KCNIP4: variants seen among roughly 807,000 people sequenced by gnomAD.
KCNIP4 encodes Kv channel-interacting protein 4.
KCNIP4 carries 12 observed loss-of-function variants against 34.0 expected under a neutral mutation model. The observed-to-expected ratio is 0.35, with a 90% CI of 0.23 to 0.57. The LOEUF (loss-of-function observed/expected upper bound fraction) is 0.57, where lower values mean the gene tolerates loss of function less well. KCNIP4 is among the 20% of genes least tolerant of loss of function. The pLI, the probability that KCNIP4 is intolerant of heterozygous loss-of-function variation, is 0.83. For missense variants in KCNIP4, 238 were observed against 311.7 expected, an observed-to-expected ratio of 0.76 and a Z score of 1.78; for synonymous variants, 124 against 102.2, an observed-to-expected ratio of 1.21 and a Z score of -1.29.
At chr4:21,006,725 G>C (rs973938679) in intron 1 of KCNIP4, among the ~76,000 whole-genome samples, 2 of 152,192 alleles carry the variant, frequency 1.3e-5, no homozygotes, top group African/African-American at 4.8e-5. Context: ...AGGACATGGG[G>C]CAGGGAATGG....
intron 1 of KCNIP4, among the ~76,000 whole-genome samples, chr4:21,930,504 T>C (rs1216736313): frequency 1.3e-5 from 2 of 152,144 alleles, no homozygotes; most frequent in Admixed American, 6.6e-5. Context: ...AGCAAGGCTC[T>C]GAAATAGTCT....
rs188268533 is a variant in KCNIP4, at chr4:20,973,091, C to T, written c.62-90382G>A. ...CATTAGCTGCTAACAAGAGAGTCAG[C>T]GTGTCCTTTGAAGCTTTAAAGCCAG... On this transcript the variant is annotated intron_variant, in intron 1 of 8. Transcript: ENST00000382152. Among the ~76,000 whole-genome samples the T allele has an allele frequency of 3.6e-3, 541 of 152,296 alleles. 3 individuals are homozygous for T. Among genetic ancestry groups the T allele is most frequent in the African/African-American group, 0.013 (522 of 41,560 alleles).
rs190710208 is a variant in KCNIP4, at chr4:21,360,796, T to C, written c.62-478087A>G. On this transcript the variant is annotated intron_variant, in intron 1 of 8. Coordinates refer to ENST00000382152, the MANE Select transcript of KCNIP4 (RefSeq NM_025221.6). Reference sequence around the variant, plus strand: ...CTAAAAATAGACCCAACTTTTTACATTGAAATTATCAGTCCTTGCCTAAAC... The same window carrying C: ...CTAAAAATAGACCCAACTTTTTACACTGAAATTATCAGTCCTTGCCTAAAC... Among the ~76,000 whole-genome samples, 31 of 152,222 alleles carry C rather than the reference T, an allele frequency of 2.0e-4. 1 individual carries two copies. Among genetic ancestry groups the C allele is most frequent in the Admixed American group, 1.8e-3 (28 of 15,268 alleles).
At chr4:21,742,811 G>A (rs1716506396) in intron 1 of KCNIP4, among the ~76,000 whole-genome samples, 1 of 151,822 alleles carries the variant, frequency 6.6e-6, no homozygotes, top group African/African-American at 2.4e-5. Context: ...AGCAGAATAG[G>A]GAGATTTATA....
intron 1 of KCNIP4, among the ~76,000 whole-genome samples, chr4:21,488,613 A>G (rs1317955054): frequency 6.6e-6 from 1 of 152,150 alleles, no homozygotes; most frequent in African/African-American, 2.4e-5. Flanking sequence ...TACATTTAGG[A>G]TATTTAGATT....
At chr4:21,832,661 A>T (rs1375814090) in intron 1 of KCNIP4, among the ~76,000 whole-genome samples, 1 of 150,058 alleles carries the variant, frequency 6.7e-6, no homozygotes, top group Non-Finnish European at 1.5e-5. Context: ...ACATATGTAT[A>T]CATGTGACAT....
At chr4:21,090,901 A>T (rs1424204397) in intron 1 of KCNIP4, among the ~76,000 whole-genome samples, 1 of 152,240 alleles carries the variant, frequency 6.6e-6, no homozygotes, top group African/African-American at 2.4e-5. Flanking sequence ...CAGAGCAAAA[A>T]CAGAACAATC....
intron 1 of KCNIP4, among the ~76,000 whole-genome samples, chr4:20,919,746 T>C (rs1281624001): frequency 4.6e-5 from 7 of 151,428 alleles, no homozygotes; most frequent in Non-Finnish European, 1.0e-4. Flanking sequence ...TGTTTTAATA[T>C]TGTTTGGCGG....
chr4:21,607,923 T>C (rs1250611348), intron 1 of KCNIP4, among the ~76,000 whole-genome samples: 1 of 152,134 alleles, frequency 6.6e-6, no homozygotes, highest in Non-Finnish European at 1.5e-5. Flanking sequence ...GACAACAGGC[T>C]CCTGAGAACT....
intron 1 of KCNIP4, among the ~76,000 whole-genome samples, chr4:21,857,100 A>C (rs185637475): frequency 1.2e-4 from 19 of 152,314 alleles, no homozygotes; most frequent in African/African-American, 4.3e-4. Context: ...AAAGGCCTGA[A>C]GCCTGGGGGC....
chr4:21,833,804 A>C lies in KCNIP4; in HGVS notation c.61+114767T>G, dbSNP rs930502370. Among the ~76,000 whole-genome samples, 3 of 152,176 alleles carry C rather than the reference A, an allele frequency of 2.0e-5. No individual in the cohort carries two copies. In the East Asian group the frequency reaches 5.8e-4, roughly 29 times the overall value. ...GGAAGGGTTCCAGTTTCAGCTTCCT[A>C]CATATGGCTAGCCAGTTTTCCCAGC... On this transcript the variant is annotated intron_variant, in intron 1 of 8. Transcript: ENST00000382152.
intron 1 of KCNIP4, among the ~76,000 whole-genome samples, chr4:21,396,530 T>C (rs981516961): frequency 1.2e-5 from 1 of 84,370 alleles, no homozygotes; most frequent in Non-Finnish European, 2.3e-5. Context: ...CACTCCAGCC[T>C]GGTGACAGAG....
In KCNIP4 at chr4:21,708,786, C is replaced by T. The variant is rs543469819; in HGVS notation, c.61+239785G>A. On this transcript the variant is annotated intron_variant, in intron 1 of 8. Transcript: ENST00000382152. ...TTGAACAGAAGTCATCAACCGCAAG[C>T]AATCCTGTGGTGTCCATTGGAACCT... is the stretch of plus-strand genomic sequence containing the variant. Among the ~76,000 whole-genome samples the T allele has an allele frequency of 3.3e-5, 5 of 152,296 alleles. No homozygotes were observed. In the South Asian group the frequency reaches 1.0e-3, roughly 32 times the overall value.
intron 1 of KCNIP4, among the ~76,000 whole-genome samples, chr4:21,701,336 C>G (rs1209918883): frequency 6.6e-6 from 1 of 152,086 alleles, no homozygotes; most frequent in Non-Finnish European, 1.5e-5. Flanking sequence ...TTTTATTGAT[C>G]AATTGTACAA....
chr4:20,992,309 G>A (rs1211776455), intron 1 of KCNIP4, among the ~76,000 whole-genome samples: 4 of 152,046 alleles, frequency 2.6e-5, no homozygotes, highest in East Asian at 1.9e-4. Flanking sequence ...GGAAATGTCC[G>A]TCACTTGTAA....
Position 21,817,267 on chromosome 4 carries a change from CA to C in KCNIP4, c.61+131303del, listed in dbSNP as rs551999356. ...ATTTCATTTTAATATGGACATTTAT[CA>C]GTTCCCAAATAATACTTTTATAATT... On this transcript the variant is annotated intron_variant, in intron 1 of 8. Transcript: ENST00000382152. 1.3e-3 allele frequency among the ~76,000 whole-genome samples: 202 copies of C among 152,274 alleles called. 1 individual carries two copies. Among genetic ancestry groups the C allele is most frequent in the African/African-American group, 4.6e-3 (193 of 41,554 alleles).
chr4:21,133,034 T>G (rs1272325115), intron 1 of KCNIP4, among the ~76,000 whole-genome samples: 1 of 151,812 alleles, frequency 6.6e-6, no homozygotes, highest in Non-Finnish European at 1.5e-5. Flanking sequence ...AAAAATGTTT[T>G]GCAAATGTCA....
intron 1 of KCNIP4, among the ~76,000 whole-genome samples, chr4:21,000,797 C>A (rs896750137): frequency 2.0e-5 from 3 of 152,148 alleles, no homozygotes; most frequent in Admixed American, 6.5e-5. Context: ...CCAGCTACAG[C>A]GGTCTCCACT....
chr4:21,289,629 T>C (rs1230470345), intron 1 of KCNIP4, among the ~76,000 whole-genome samples: 3 of 152,218 alleles, frequency 2.0e-5, no homozygotes, highest in Admixed American at 2.0e-4. Flanking sequence ...TTAGGATTCC[T>C]GCCTAGTAAG....
Sources: gnomAD v4.1 joint callset for allele counts (sites outside exome capture counted in the v4.1 genomes callset) on GRCh38, gnomAD v4.1.1 for gene constraint, MANE v1.5 for transcripts, NCBI Gene and HGNC (gene_info 2026-07-23, HGNC 2026-07-21) for gene names.